Variants in LARP1 observed in about 807,000 individuals in gnomAD.
The protein encoded by LARP1 is la-related protein 1.
In LARP1, 36 loss-of-function variants were observed where a neutral mutation model predicts 122.7. That is an observed-to-expected ratio of 0.29 (90% CI 0.22 to 0.39). The LOEUF (loss-of-function observed/expected upper bound fraction) is 0.39. LARP1 is among the 10% of genes least tolerant of loss of function. LARP1 has a pLI of 1.00. For missense variants in LARP1, 1,040 were observed against 1,403.6 expected, an observed-to-expected ratio of 0.74 and a Z score of 4.14; for synonymous variants, 539 against 528.7, an observed-to-expected ratio of 1.02 and a Z score of -0.27.
intron 1 of LARP1, among the ~76,000 whole-genome samples, chr5:154,699,465 G>A (rs1754617273): frequency 1.3e-5 from 2 of 150,042 alleles, no homozygotes; most frequent in Admixed American, 1.3e-4. Flanking sequence ...GACCAGCATG[G>A]GCAACATAGC....
rs995172005 is a variant in LARP1, at chr5:154,811,738, A to G, written c.3081+98A>G. The G allele has an allele frequency of 1.4e-5, 20 of 1,446,430 alleles. No individual in the cohort carries two copies. The African/African-American group carries it at 2.7e-4, about 19-fold the overall frequency. 89.6% of individuals were successfully genotyped at this position (1,446,430 alleles called of 1,614,324 possible). On this transcript the variant is annotated intron_variant, in intron 18 of 18. Transcript: ENST00000518297. ...TCTGGTCCAGCTGTGCCCCTAGCCC[A>G]GGAACCCCTCTCCCTGCTCCCCACA... is the stretch of plus-strand genomic sequence containing the variant.
intron 1 of LARP1, among the ~76,000 whole-genome samples, chr5:154,697,802 C>T (rs749426198): frequency 1.3e-5 from 2 of 152,072 alleles, no homozygotes; most frequent in Admixed American, 6.6e-5. Context: ...AGCTAAAAGG[C>T]GCAAGGATTT....
rs1032254833 is a variant in LARP1, at chr5:154,803,004, A to AG, written c.2110-280dup. Among the ~76,000 whole-genome samples the AG allele has an allele frequency of 5.9e-5, 9 of 152,264 alleles. 1 individual carries two copies. The highest frequency in any genetic ancestry group is 4.1e-4 in the South Asian group (2 of 4,820). ...GAGATGGGGAAACACTGGAGCTTTC[A>AG]GGGGGGAGTGTGTAGTGAGTTCCTG... On this transcript the variant is annotated intron_variant, in intron 11 of 18. Transcript: ENST00000518297. This position sits in a 1 kb window ranked among gnomAD's most constrained non-coding sequence, Gnocchi z 4.4.
Position 154,802,833 on chromosome 5 carries a change from A to G in LARP1, c.2109+434A>G, listed in dbSNP as rs1758454547. Among the ~76,000 whole-genome samples, 1 of 152,224 alleles carries G rather than the reference A, an allele frequency of 6.6e-6. No individual in the cohort carries two copies. The highest frequency in any genetic ancestry group is 2.1e-4 in the South Asian group (1 of 4,830). On this transcript the variant is annotated intron_variant, in intron 11 of 18. Transcript: ENST00000518297. This position sits in a 1 kb window ranked among gnomAD's most constrained non-coding sequence, Gnocchi z 5.1. ...GCTGCTGCCTGGAAATAGTCAAAAC[A>G]TCTCTGTTGTGGGATTTTAGAGTGG...
chr5:154,726,160 G>A (rs937600848), intron 1 of LARP1, among the ~76,000 whole-genome samples: 5 of 152,144 alleles, frequency 3.3e-5, no homozygotes, highest in Non-Finnish European at 7.3e-5. Flanking sequence ...GTCTTCAGCT[G>A]GAGCTACCAA....
chr5:154,790,093 T>C (rs1215438923), intron 1 of LARP1, among the ~76,000 whole-genome samples: 4 of 152,244 alleles, frequency 2.6e-5, no homozygotes. Flanking sequence ...GGCTGCTGGC[T>C]GCTGGCTCCT....
In LARP1 at chr5:154,811,314, T is replaced by G; in HGVS notation, c.2911T>G (p.Phe971Val). ...GLEKKFRLDI[F>V]KDFQEETVKD... is the part of the protein sequence containing the mutation. Reference sequence around the variant, plus strand: ...GGAAAAGAAGTTCCGGCTGGACATATTCAAGGATTTTCAGGAGGAAACGGT... The same window carrying G: ...GGAAAAGAAGTTCCGGCTGGACATAGTCAAGGATTTTCAGGAGGAAACGGT... The change falls in exon 17 of 19, where the codon TTC becomes GTC. Residue 971 changes from phenylalanine to valine, a missense_variant. Phe to Val is a conservative substitution (Grantham distance 50). Transcript: ENST00000518297. The G allele has an allele frequency of 6.2e-7, 1 of 1,614,184 alleles. No homozygotes were observed. The highest frequency in any genetic ancestry group is 8.5e-7 in the Non-Finnish European group (1 of 1,180,038).
chr5:154,763,054 CT>C (rs147728579), intron 1 of LARP1, among the ~76,000 whole-genome samples: 10,213 of 129,816 alleles, frequency 0.079, 354 homozygotes, highest in African/African-American at 0.18. Context: ...TGAGCAGATG[CT>C]TTTTTTTTTT....
At chr5:154,710,823 G>A (rs1205011048), upstream of LARP1, among the ~76,000 whole-genome samples, 6 of 149,020 alleles carry the variant, frequency 4.0e-5, no homozygotes, top group Admixed American at 6.7e-5. Flanking sequence ...AACCCCTTTC[G>A]TCTTTCACTT....
upstream of LARP1, among the ~76,000 whole-genome samples, chr5:154,711,927 C>T (rs1015344458): frequency 1.3e-5 from 2 of 152,142 alleles, no homozygotes; most frequent in Non-Finnish European, 2.9e-5. Flanking sequence ...GGGAGGGCCT[C>T]CTGACCACAT....
chr5:154,775,551 C>T (rs1355289424), intron 1 of LARP1, among the ~76,000 whole-genome samples: 1 of 151,570 alleles, frequency 6.6e-6, no homozygotes, highest in Non-Finnish European at 1.5e-5. Flanking sequence ...GAGCCCAGGC[C>T]TTCAGGTTGC....
At chr5:154,798,851 GTTTT>G (rs1304798605) in intron 8 of LARP1, among the ~76,000 whole-genome samples, 1 of 150,262 alleles carries the variant, frequency 6.7e-6, no homozygotes, top group Admixed American at 6.6e-5. Flanking sequence ...AAAGTTGGTT[GTTTT>G]TTTGTTTGTT....
chr5:154,804,181 C>A lies in LARP1; in HGVS notation c.2440-20C>A. 6.3e-7 allele frequency: 1 copy of A among 1,597,422 alleles called. No individual in the cohort carries two copies. The highest frequency in any genetic ancestry group is 1.3e-5 in the African/African-American group (1 of 74,652). ...TTGTAGGAGTACAAACAGTAACAAA[C>A]CCTGGGCTAACCTTTGCAGATGCCT... On this transcript the variant is annotated intron_variant, in intron 13 of 18. Transcript: ENST00000518297.
intron 1 of LARP1, among the ~76,000 whole-genome samples, chr5:154,738,876 C>T (rs1427228233): frequency 2.0e-5 from 3 of 152,092 alleles, no homozygotes; most frequent in South Asian, 2.1e-4. Flanking sequence ...AAGCTATGAT[C>T]GTGCCACTGC....
In LARP1 at chr5:154,814,178, G is replaced by A; in HGVS notation, c.*82G>A. ...ATGGGGGTGCCCAGTCCCAGGAAAG[G>A]GGACAATGAAGGGACAGGCCTGGAG... On this transcript the variant is annotated 3_prime_UTR_variant, in exon 19 of 19. Transcript: ENST00000518297. 4 of 1,345,710 alleles carry A rather than the reference G, an allele frequency of 3.0e-6. No individual in the cohort carries two copies. The highest frequency in any genetic ancestry group is 1.4e-5 in the African/African-American group (1 of 69,236). 83.4% of individuals were successfully genotyped at this position (1,345,710 alleles called of 1,614,324 possible). A position where few individuals can be genotyped will look rare whatever the true frequency, so the allele number is the denominator to read the frequency against.
intron 8 of LARP1, among the ~76,000 whole-genome samples, chr5:154,798,893 C>T (rs532382776): frequency 2.0e-5 from 3 of 152,196 alleles, no homozygotes; most frequent in Non-Finnish European, 2.9e-5. Flanking sequence ...GAGACGGAGT[C>T]TCGCCCTGTC....
intron 1 of LARP1, among the ~76,000 whole-genome samples, chr5:154,765,099 T>TAAG (rs2113622856): frequency 6.6e-6 from 1 of 152,240 alleles, no homozygotes; most frequent in East Asian, 1.9e-4. Context: ...TTCAGAGTCC[T>TAAG]TAGAGTGTTC....
At chr5:154,789,855 T>G (rs963513001) in intron 1 of LARP1, among the ~76,000 whole-genome samples, 1 of 152,158 alleles carries the variant, frequency 6.6e-6, no homozygotes, top group Non-Finnish European at 1.5e-5. Flanking sequence ...ATGGCTCACT[T>G]AGAGTTTTTA....
At position 154,706,378 on chromosome 5, in the gene LARP1, A is replaced by G. The variant is rs572872845; in HGVS notation, c.-180+23341A>G. Among the ~76,000 whole-genome samples the G allele has an allele frequency of 1.7e-3, 260 of 151,932 alleles. 1 individual carries two copies. Among genetic ancestry groups the G allele is most frequent in the Non-Finnish European group, 2.8e-3 (188 of 67,974 alleles). On this transcript the variant is annotated intron_variant, in intron 1 of 18. Transcript: ENST00000687700. ...ACCATGGAATACTACACAGCCATACAAAAAGAATGAAATCATGTCCTTTGC... is the reference window on the plus strand; with the variant it reads ...ACCATGGAATACTACACAGCCATACGAAAAGAATGAAATCATGTCCTTTGC...
Sources: allele counts gnomAD v4.1 joint callset (sites outside exome capture counted in the v4.1 genomes callset), GRCh38; gene constraint gnomAD v4.1.1; non-coding constraint Gnocchi (gnomAD v3.1); transcripts MANE v1.5; gene names NCBI Gene and HGNC (gene_info 2026-07-23, HGNC 2026-07-21).